CA10: variants seen among roughly 807,000 people sequenced by gnomAD.
The protein encoded by CA10 is carbonic anhydrase 10 (inactive), also known as carbonic anhydrase-related protein 10.
A neutral mutation model predicts 44.2 loss-of-function variants in CA10; 14 were observed. That is an observed-to-expected ratio of 0.32 (90% CI 0.21 to 0.50). The LOEUF is 0.50. Ranked by LOEUF, CA10 falls within the 20% of genes least tolerant of loss-of-function variation. The pLI is 0.99. For synonymous variants in CA10, 159 were observed against 141.6 expected, an observed-to-expected ratio of 1.12 and a Z score of -0.87; for missense variants, 350 against 409.7, an observed-to-expected ratio of 0.85 and a Z score of 1.26.
chr17:51,965,764 CA>C (rs1299112892), intron 2 of CA10, among the ~76,000 whole-genome samples: 1 of 151,830 alleles, frequency 6.6e-6, no homozygotes, highest in East Asian at 1.9e-4. Flanking sequence ...ACCAAACAGG[CA>C]AAAGCTGAAA....
In CA10 at chr17:52,027,635, C is replaced by A. The variant is rs549598703; in HGVS notation, c.136+44684G>T. On this transcript the variant is annotated intron_variant, in intron 2 of 8. Transcript: ENST00000451037. ...TGAGGCTGAAGCAGTGACTATGCAA[C>A]TCTCCTTACAGAAGCCATGTTCAGG... is the stretch of plus-strand genomic sequence containing the variant. 1.2e-3 allele frequency among the ~76,000 whole-genome samples: 187 copies of A among 152,286 alleles called. 5 individuals are homozygous for A. In the South Asian group the frequency reaches 0.023, roughly 19 times the overall value.
At chr17:51,849,123 A>G (rs1978626922) in intron 3 of CA10, among the ~76,000 whole-genome samples, 1 of 143,950 alleles carries the variant, frequency 6.9e-6, no homozygotes, top group South Asian at 2.2e-4. Flanking sequence ...GTGTATATAT[A>G]TAAATATAAA....
At position 52,157,746 on chromosome 17, in the gene CA10, T is replaced by C. The variant is rs757526132; in HGVS notation, c.41A>G (p.Asn14Ser). ...CGTACCTGATATGCAGACGATGAAA[T>C]TGGCTTGAAGAAGAAAAAGCACCTC... ...VWEVLFLLQA[N>S]FIVCISAQQN... Residue 14 changes from asparagine to serine, a missense_variant, in exon 1 of 9, where the codon AAT becomes AGT. By Grantham distance (46) the Asn-to-Ser change is conservative (BLOSUM62 1). Coordinates refer to ENST00000451037, the MANE Select transcript of CA10 (RefSeq NM_020178.5). 60 of 1,613,850 alleles carry C rather than the reference T, an allele frequency of 3.7e-5. No individual in the cohort carries two copies. Among genetic ancestry groups the C allele is most frequent in the Non-Finnish European group, 4.9e-5 (58 of 1,179,972 alleles).
At chr17:51,969,962 A>AATGACCAAGGCGT (rs1190275109) in intron 2 of CA10, among the ~76,000 whole-genome samples, 1 of 152,046 alleles carries the variant, frequency 6.6e-6, no homozygotes, top group Non-Finnish European at 1.5e-5. Flanking sequence ...ACTGCAGTGA[A>AATGACCAAGGCGT]ATGACCAAGG....
intron 2 of CA10, among the ~76,000 whole-genome samples, chr17:52,046,303 T>C (rs1300358292): frequency 8.5e-6 from 1 of 117,050 alleles, no homozygotes; most frequent in Non-Finnish European, 1.9e-5. Flanking sequence ...TTGGTAAGCT[T>C]CTAGTAAAAA....
At chr17:51,728,115 C>T (rs1254768798) in intron 4 of CA10, among the ~76,000 whole-genome samples, 2 of 152,102 alleles carry the variant, frequency 1.3e-5, no homozygotes, top group African/African-American at 4.8e-5. Flanking sequence ...TGGTCTTGAA[C>T]TCCTGGGCTC....
chr17:52,156,697 C>T (rs1411172108), intron 1 of CA10, among the ~76,000 whole-genome samples: 2 of 152,218 alleles, frequency 1.3e-5, no homozygotes, highest in Admixed American at 1.3e-4. Flanking sequence ...ATCCTGCTCT[C>T]CTCTTCTGAT....
chr17:52,013,017 A>G (rs1985850609), intron 2 of CA10, among the ~76,000 whole-genome samples: 1 of 152,050 alleles, frequency 6.6e-6, no homozygotes, highest in South Asian at 2.1e-4. Flanking sequence ...TCATGTAACA[A>G]ATTTTAACTT....
chr17:52,070,792 A>G (rs1259696617), intron 2 of CA10, among the ~76,000 whole-genome samples: 2 of 152,222 alleles, frequency 1.3e-5, no homozygotes, highest in East Asian at 3.9e-4. Flanking sequence ...AGAGAAAAAA[A>G]CATCGAAAAA....
At chr17:51,805,626 T>C (rs1419638734) in intron 3 of CA10, among the ~76,000 whole-genome samples, 1 of 152,238 alleles carries the variant, frequency 6.6e-6, no homozygotes, top group Non-Finnish European at 1.5e-5. Context: ...AAGAATAATT[T>C]ACATACCATA....
intron 3 of CA10, among the ~76,000 whole-genome samples, chr17:51,862,331 C>G (rs942386211): frequency 3.3e-5 from 5 of 152,112 alleles, no homozygotes; most frequent in African/African-American, 1.2e-4. Flanking sequence ...GATTCTTTAG[C>G]AGCCAGTAAC....
chr17:51,709,736 G>A (rs1915872752), intron 4 of CA10, among the ~76,000 whole-genome samples: 1 of 152,238 alleles, frequency 6.6e-6, no homozygotes, highest in Non-Finnish European at 1.5e-5. Context: ...GACTGAATTA[G>A]ATGGAGGTAA....
intron 3 of CA10, among the ~76,000 whole-genome samples, chr17:51,873,797 A>C (rs570963567): frequency 6.6e-6 from 1 of 152,302 alleles, no homozygotes; most frequent in East Asian, 1.9e-4. Flanking sequence ...CTGAGTGTCC[A>C]GCCTAGTGTT....
chr17:51,638,253 C>T (rs1006339752), intron 6 of CA10, among the ~76,000 whole-genome samples: 5 of 152,230 alleles, frequency 3.3e-5, no homozygotes, highest in Admixed American at 1.3e-4. Flanking sequence ...AGCTGCCCTT[C>T]CTGGCCTCCT....
At chr17:51,835,317 C>T (rs956510325) in intron 3 of CA10, among the ~76,000 whole-genome samples, 1 of 152,096 alleles carries the variant, frequency 6.6e-6, no homozygotes, top group Non-Finnish European at 1.5e-5. Context: ...AGAGGCTATG[C>T]CTTGGAGTAT....
chr17:52,000,508 T>A (rs1044382044), intron 2 of CA10, among the ~76,000 whole-genome samples: 1 of 152,088 alleles, frequency 6.6e-6, no homozygotes, highest in Non-Finnish European at 1.5e-5. Context: ...TACTTTTGTA[T>A]GTCTCTTTGA....
chr17:51,765,691 C>CTGTGTGTG (rs61631215), intron 3 of CA10, among the ~76,000 whole-genome samples: 7,721 of 140,166 alleles, frequency 0.055, 295 homozygotes, highest in East Asian at 0.082. Context: ...AGGCAGCTCC[C>CTGTGTGTG]TGTGTGTGTG....
At chr17:51,693,877 G>C (rs1283698693) in intron 4 of CA10, among the ~76,000 whole-genome samples, 1 of 152,214 alleles carries the variant, frequency 6.6e-6, no homozygotes, top group Middle Eastern at 3.4e-3. Flanking sequence ...GGGATTGTGA[G>C]GTTGAATGGT....
intron 3 of CA10, among the ~76,000 whole-genome samples, chr17:51,875,520 T>C (rs1314857585): frequency 6.6e-6 from 1 of 152,218 alleles, no homozygotes; most frequent in Non-Finnish European, 1.5e-5. Context: ...CTTTATGCAA[T>C]GGGGAAGAAG....
Sources: gnomAD v4.1 joint callset for allele counts (sites outside exome capture counted in the v4.1 genomes callset) on GRCh38, gnomAD v4.1.1 for gene constraint, MANE v1.5 for transcripts, NCBI Gene and HGNC (gene_info 2026-07-23, HGNC 2026-07-21) for gene names.